ZNF571: variants seen among roughly 807,000 people sequenced by gnomAD.
ZNF571 encodes the protein zinc finger protein 571.
A neutral mutation model predicts 7.7 loss-of-function variants in ZNF571; 4 were observed. The observed-to-expected ratio is 0.52, with a 90% confidence interval of 0.25 to 1.18. ZNF571 has a LOEUF of 1.18. Among genes scored for constraint, ZNF571 ranks in the 50% most tolerant of loss-of-function variants. ZNF571 has a pLI of 0.14. For synonymous variants in ZNF571, 251 were observed against 232.4 expected (o/e 1.08, Z -0.73); for missense variants, 704 against 726.9 (o/e 0.97, Z 0.36).
At chr19:37,589,195 C>T (rs1226262391) in intron 1 of ZNF571, among the ~76,000 whole-genome samples, 3 of 92,040 alleles carry the variant, frequency 3.3e-5, no homozygotes, top group Non-Finnish European at 6.6e-5. Context: ...AGCCAAACTC[C>T]GTCTCAAAAA....
In ZNF571 at chr19:37,581,789, G is replaced by GAA. The variant is rs35272779; in HGVS notation, c.136+2180_136+2181dup. 8.0e-3 allele frequency among the ~76,000 whole-genome samples: 1,185 copies of GAA among 147,556 alleles called. 5 individuals carry two copies. The highest frequency in any genetic ancestry group is 0.014 in the South Asian group (66 of 4,640). ...ACCACCATTTTAAAGATTCTCCTGT[G>GAA]AAAAAAAAACAAAAAACAAAAACCT... On this transcript the variant is annotated intron_variant, in intron 3 of 3. Transcript: ENST00000451802.
In ZNF571 at chr19:37,564,910, T is replaced by C. The variant is rs771189919; in HGVS notation, c.1518A>G (p.Glu506=). Residue 506 remains glutamate (E), a synonymous_variant, in exon 4 of 4, where the codon GAA becomes GAG. Coordinates refer to ENST00000451802, the MANE Select transcript of ZNF571 (RefSeq NM_016536.5). The part of the protein sequence containing the change: ...HTGEKPYKCK[E]CDKAFIYGSQ... Reference sequence around the variant, plus strand: ...AGCCATAAATAAAGGCCTTGTCACATTCCTTACATTTGTAGGGCTTTTCAC... The same window carrying C: ...AGCCATAAATAAAGGCCTTGTCACACTCCTTACATTTGTAGGGCTTTTCAC... 6.2e-7 allele frequency: 1 copy of C among 1,614,060 alleles called. No individual in the cohort carries two copies. The highest frequency in any genetic ancestry group is 1.1e-5 in the South Asian group (1 of 91,078).
intron 3 of ZNF571, among the ~76,000 whole-genome samples, chr19:37,582,938 A>G (rs185165199): frequency 8.5e-5 from 13 of 152,328 alleles, no homozygotes; most frequent in Non-Finnish European, 1.5e-4. Flanking sequence ...GCAAAAAGTC[A>G]GCCAGGGGCT....
intron 3 of ZNF571, 65 bp from the exon 4 acceptor site, chr19:37,566,356 A>G (rs2042860120): frequency 6.7e-7 from 1 of 1,494,520 alleles, no homozygotes. Context: ...ATTCTATGGT[A>G]AAAATGATAG....
At chr19:37,593,764 G>C (rs1317808691) in intron 1 of ZNF571, among the ~76,000 whole-genome samples, 1 of 152,044 alleles carries the variant, frequency 6.6e-6, no homozygotes, top group African/African-American at 2.4e-5. Flanking sequence ...TCATTGGGTG[G>C]AAAGGAGAGG....
At chr19:37,574,982 C>T (rs1029315639) in intron 3 of ZNF571, among the ~76,000 whole-genome samples, 2 of 152,182 alleles carry the variant, frequency 1.3e-5, no homozygotes, top group African/African-American at 4.8e-5. Context: ...CAATCCTTTA[C>T]ATTTTCAAAA....
rs2043570457 is a variant in ZNF571, at chr19:37,584,017, C to T, written c.90G>A (p.Leu30=). The change falls in exon 3 of 4, where the codon TTG becomes TTA. Residue 30 remains leucine (L), a synonymous_variant. Coordinates refer to ENST00000451802, the MANE Select transcript of ZNF571 (RefSeq NM_016536.5). ...WECLDPAQRD[L]YRDVMLENYS... ...AGTTCTCCAACATCACATCCCTGTA[C>T]AAGTCCCTCTGAGCAGGGTCCAGGC... 1 of 1,613,888 alleles carries T rather than the reference C, an allele frequency of 6.2e-7. No homozygotes were observed. The highest frequency in any genetic ancestry group is 1.3e-5 in the African/African-American group (1 of 74,902).
At position 37,565,034 on chromosome 19, in the gene ZNF571, T is replaced by G. The variant is rs763076083; in HGVS notation, c.1394A>C (p.His465Pro). The G allele has an allele frequency of 1.4e-5, 23 of 1,613,732 alleles. No individual in the cohort carries two copies. The highest frequency in any genetic ancestry group is 1.9e-5 in the Non-Finnish European group (22 of 1,179,778). ...ATGTTTCTCACCATGAATTTTCTCA[T>G]GTTGAGTAAGATATGCAACACGAAT... is the stretch of plus-strand genomic sequence containing the variant. ...AFIRVAYLTQHEKIHGEKHYE... is the reference protein window; with the variant it reads ...AFIRVAYLTQPEKIHGEKHYE... The change falls in exon 4 of 4, where the codon CAT becomes CCT. Residue 465 changes from histidine (H) to proline (P), a missense_variant. Transcript: ENST00000451802.
chr19:37,577,242 TTAACA>T (rs2043273474), intron 3 of ZNF571, among the ~76,000 whole-genome samples: 1 of 152,106 alleles, frequency 6.6e-6, no homozygotes, highest in East Asian at 1.9e-4. Context: ...AAATTTATAA[TTAACA>T]TAAATTTATA....
chr19:37,577,507 T>C (rs1020285776), intron 3 of ZNF571, among the ~76,000 whole-genome samples: 3 of 152,102 alleles, frequency 2.0e-5, no homozygotes, highest in African/African-American at 7.2e-5. Flanking sequence ...GAAAGAATAT[T>C]AAGGACAAAA....
At chr19:37,579,866 G>A (rs1285838079) in intron 3 of ZNF571, among the ~76,000 whole-genome samples, 2 of 151,976 alleles carry the variant, frequency 1.3e-5, no homozygotes, top group Non-Finnish European at 2.9e-5. Flanking sequence ...TCCAATTTTA[G>A]GCCAACATTT....
intron 3 of ZNF571, among the ~76,000 whole-genome samples, chr19:37,573,668 C>CAA (rs55763844): frequency 1.1e-3 from 93 of 88,114 alleles, no homozygotes; most frequent in Non-Finnish European, 9.3e-4. Flanking sequence ...CTTGTGTCTA[C>CAA]AAAAAAAAAA....
At chr19:37,594,617 T>A (rs1423117399) in intron 1 of ZNF571, 124 bp downstream of exon 1, 1 of 152,224 alleles carries the variant, frequency 6.6e-6, no homozygotes, top group Non-Finnish European at 1.5e-5. Context: ...CAGAGCACCG[T>A]CCCGTTCCTG....
chr19:37,573,291 C>A (rs1006061803), intron 3 of ZNF571, among the ~76,000 whole-genome samples: 1 of 152,140 alleles, frequency 6.6e-6, no homozygotes, highest in Admixed American at 6.5e-5. Flanking sequence ...CTATTATTAA[C>A]GGCATGATTG....
chr19:37,578,215 T>C (rs987687326), intron 3 of ZNF571, among the ~76,000 whole-genome samples: 2 of 151,794 alleles, frequency 1.3e-5, no homozygotes, highest in Non-Finnish European at 2.9e-5. Context: ...GCCAAAAAGG[T>C]TGGGATAGCG....
chr19:37,573,132 ACT>A (rs2043123860), intron 3 of ZNF571, among the ~76,000 whole-genome samples: 1 of 138,734 alleles, frequency 7.2e-6, no homozygotes, highest in African/African-American at 2.5e-5. Context: ...ACCTCTTCCA[ACT>A]CTTTTTTTTT....
At chr19:37,589,149 G>A (rs1413552690) in intron 1 of ZNF571, among the ~76,000 whole-genome samples, 7 of 141,378 alleles carry the variant, frequency 5.0e-5, no homozygotes, top group East Asian at 4.2e-4. Flanking sequence ...GCAGTGAGCC[G>A]AGATCATGCC....
At chr19:37,586,447 T>C (rs2043675717) in intron 2 of ZNF571, 1 of 597,554 alleles carries the variant, frequency 1.7e-6, no homozygotes, top group Admixed American at 3.0e-5. Context: ...CTGTGGACAA[T>C]GTAGAATTAT....
At chr19:37,588,980 A>G (rs1600536659) in intron 1 of ZNF571, among the ~76,000 whole-genome samples, 1 of 152,194 alleles carries the variant, frequency 6.6e-6, no homozygotes, top group East Asian at 1.9e-4. Context: ...CAGGTGGATC[A>G]CCTGAGGTCA....
Sources: allele counts gnomAD v4.1 joint callset (sites outside exome capture counted in the v4.1 genomes callset), GRCh38; gene constraint gnomAD v4.1.1; transcripts MANE v1.5; gene names NCBI Gene and HGNC (gene_info 2026-07-23, HGNC 2026-07-21).